The following ARHGAP21 variants were observed in gnomAD, a reference collection of about 807,000 sequenced individuals.
ARHGAP21 encodes rho GTPase-activating protein 21.
Under a neutral mutation model 164.6 loss-of-function variants are expected in ARHGAP21, and 38 were observed. The ratio of observed to expected loss-of-function variants is 0.23; its 90% CI spans 0.18 to 0.30. ARHGAP21 has a LOEUF of 0.30. ARHGAP21 is among the 10% of genes least tolerant of loss of function. The probability of loss-of-function intolerance (pLI) is 1.00; values close to 1 mark genes in which losing one functional copy is unlikely to be tolerated. For synonymous variants in ARHGAP21, 766 were observed against 857.9 expected (o/e 0.89, Z 1.87); for missense variants, 1,822 against 2,370.7 (o/e 0.77, Z 4.81).
intron 9 of ARHGAP21, among the ~76,000 whole-genome samples, chr10:24,614,938 G>C (rs985897978): frequency 6.6e-6 from 1 of 152,058 alleles, no homozygotes; most frequent in Non-Finnish European, 1.5e-5. Flanking sequence ...TGTAATCCCA[G>C]CACTTTGGGA....
chr10:24,635,347 C>G (rs556498501), intron 4 of ARHGAP21, among the ~76,000 whole-genome samples: 2 of 152,092 alleles, frequency 1.3e-5, no homozygotes, highest in African/African-American at 4.8e-5. Context: ...GGCTACATTC[C>G]GTATGTCAGT....
chr10:24,682,802 G>T (rs932153002), intron 2 of ARHGAP21, among the ~76,000 whole-genome samples: 7 of 151,832 alleles, frequency 4.6e-5, no homozygotes, highest in Non-Finnish European at 1.0e-4. Flanking sequence ...TTTTCAGCGG[G>T]TATTGAACAT....
chr10:24,706,083 C>T (rs1844198034), intron 2 of ARHGAP21, among the ~76,000 whole-genome samples: 1 of 152,186 alleles, frequency 6.6e-6, no homozygotes, highest in East Asian at 1.9e-4. Flanking sequence ...TGAAAGAACT[C>T]AAGAACCATA....
chr10:24,659,668 C>G (rs888060729), intron 4 of ARHGAP21, among the ~76,000 whole-genome samples: 6 of 152,150 alleles, frequency 3.9e-5, no homozygotes, highest in African/African-American at 1.4e-4. Flanking sequence ...GAGTAAAGAA[C>G]TTTCTTTTTT....
In ARHGAP21 at chr10:24,585,792, A is replaced by G; in HGVS notation, c.4497T>C (p.Pro1499=). 1 of 1,613,914 alleles carries G rather than the reference A, an allele frequency of 6.2e-7. No homozygotes were observed. The highest frequency in any genetic ancestry group is 8.5e-7 in the Non-Finnish European group (1 of 1,179,874). Reference sequence around the variant, plus strand: ...TGTGTGGTGGTGAGGGTTCTTCAGAAGGCGTGCTCTCTTTTCCTAGTGATA... The same window carrying G: ...TGTGTGGTGGTGAGGGTTCTTCAGAGGGCGTGCTCTCTTTTCCTAGTGATA... ...EKISLGKEST[P]SEEPSPPHNS... Residue 1499 remains proline (P), a synonymous_variant, in exon 26 of 26, where the codon CCT becomes CCC. Coordinates refer to ENST00000396432, the MANE Select transcript of ARHGAP21 (RefSeq NM_020824.4).
At chr10:24,675,288 G>C (rs1326814397) in intron 2 of ARHGAP21, among the ~76,000 whole-genome samples, 1 of 152,200 alleles carries the variant, frequency 6.6e-6, no homozygotes, top group African/African-American at 2.4e-5. Flanking sequence ...ATTAGGCTGA[G>C]TTAAAGAACC....
chr10:24,595,692 G>T, intron 19 of ARHGAP21, 25 bp downstream of exon 19: 2 of 1,589,274 alleles, frequency 1.3e-6, no homozygotes, highest in South Asian at 1.1e-5. Flanking sequence ...ATTTCATCTG[G>T]TATCTTTCAC....
At chr10:24,676,859 G>A (rs1841301239) in intron 2 of ARHGAP21, among the ~76,000 whole-genome samples, 1 of 152,060 alleles carries the variant, frequency 6.6e-6, no homozygotes, top group Non-Finnish European at 1.5e-5. Context: ...GAATGAATGT[G>A]GATTAAATAT....
At chr10:24,648,455 C>A (rs963033959) in intron 4 of ARHGAP21, among the ~76,000 whole-genome samples, 14 of 152,146 alleles carry the variant, frequency 9.2e-5, no homozygotes, top group Non-Finnish European at 8.8e-5. Context: ...AGCAAAGTTC[C>A]ATGTTTTCTC....
At chr10:24,605,968 T>C (rs2077007160) in intron 11 of ARHGAP21, among the ~76,000 whole-genome samples, 2 of 152,116 alleles carry the variant, frequency 1.3e-5, no homozygotes, top group Admixed American at 1.3e-4. Context: ...TATGACTTAG[T>C]ATATAATAAA....
rs1319326915 is a variant in ARHGAP21 at position 24,628,904 on chromosome 10, TAC to T, written c.495+1090_495+1091del. On this transcript the variant is annotated intron_variant, in intron 7 of 25. Coordinates refer to ENST00000396432, the MANE Select transcript of ARHGAP21 (RefSeq NM_020824.4). ...ATACACATATATATACATACATATA[TAC>T]ACATATATACACATATATATACATA... The T allele has an allele frequency of 2.5e-4, 20 of 79,358 alleles. No homozygotes were observed. In the South Asian group the frequency reaches 5.4e-3, roughly 21 times the overall value. 4.9% of individuals were successfully genotyped at this position (79,358 alleles called of 1,614,324 possible). A position where few individuals can be genotyped will look rare whatever the true frequency, so the allele number is the denominator to read the frequency against.
At chr10:24,605,956 C>G (rs2077006491) in intron 11 of ARHGAP21, among the ~76,000 whole-genome samples, 1 of 152,032 alleles carries the variant, frequency 6.6e-6, no homozygotes, top group Admixed American at 6.6e-5. Context: ...AAATTAAATA[C>G]ATATGACTTA....
chr10:24,591,351 T>C, intron 23 of ARHGAP21, 21 bp from the exon 24 acceptor site: 1 of 1,563,860 alleles, frequency 6.4e-7, no homozygotes, highest in Non-Finnish European at 8.8e-7. Context: ...TAAACAAAGA[T>C]CTCTTCATCA....
chr10:24,633,975 C>T (rs957737699), intron 5 of ARHGAP21, among the ~76,000 whole-genome samples: 59 of 138,232 alleles, frequency 4.3e-4, no homozygotes, highest in African/African-American at 1.5e-3. Flanking sequence ...CTTACTGCAA[C>T]CTCTGCCTCC....
intron 7 of ARHGAP21, 46 bp downstream of exon 7, chr10:24,629,950 C>T: frequency 7.6e-7 from 1 of 1,312,862 alleles, no homozygotes; most frequent in South Asian, 1.3e-5. Flanking sequence ...ATTTTCCGAA[C>T]ATTCATGACT....
At chr10:24,656,107 C>G (rs1378882924) in intron 4 of ARHGAP21, among the ~76,000 whole-genome samples, 1 of 148,074 alleles carries the variant, frequency 6.8e-6, no homozygotes, top group Non-Finnish European at 1.5e-5. Context: ...GCAGCCACCC[C>G]ATCTGGGAAG....
intron 25 of ARHGAP21, 149 bp from the exon 26 acceptor site, chr10:24,586,255 CCT>C: frequency 9.4e-7 from 1 of 1,066,184 alleles, no homozygotes; most frequent in Non-Finnish European, 1.3e-6. Flanking sequence ...TTTTTTAATA[CCT>C]CTTTTTACCT....
chr10:24,656,092 G>A (rs1179180076), intron 4 of ARHGAP21, among the ~76,000 whole-genome samples: 1 of 147,358 alleles, frequency 6.8e-6, no homozygotes, highest in Non-Finnish European at 1.5e-5. Context: ...GAGCCTCTCC[G>A]CCCGGCAGCC....
At chr10:24,642,381 A>G (rs547181110) in intron 4 of ARHGAP21, among the ~76,000 whole-genome samples, 119 of 151,220 alleles carry the variant, frequency 7.9e-4, no homozygotes, top group Middle Eastern at 3.4e-3. Flanking sequence ...CGGGCGTGGT[A>G]GCGGGCGCCT....
Sources: allele counts gnomAD v4.1 joint callset (sites outside exome capture counted in the v4.1 genomes callset), GRCh38; gene constraint gnomAD v4.1.1; transcripts MANE v1.5; gene names NCBI Gene and HGNC (gene_info 2026-07-23, HGNC 2026-07-21).